The following ZNF423 variants were observed in gnomAD, a reference collection of about 807,000 sequenced individuals.
ZNF423 encodes zinc finger protein 423, also known as Ebf-associated zinc finger protein.
Under a neutral mutation model 95.8 loss-of-function variants are expected in ZNF423, and 12 were observed. The observed-to-expected ratio is 0.13, with a 90% confidence interval of 0.08 to 0.20. The LOEUF is 0.20. Among genes scored for constraint, ZNF423 ranks in the 10% least tolerant of loss-of-function variants. ZNF423 has a pLI of 1.00. For missense variants in ZNF423, 1,316 were observed against 1,737.1 expected (o/e 0.76, Z 4.31); for synonymous variants, 749 against 711.9 (o/e 1.05, Z -0.83).
chr16:49,731,763 T>G (rs1013480910), intron 2 of ZNF423, among the ~76,000 whole-genome samples: 1 of 152,098 alleles, frequency 6.6e-6, no homozygotes, highest in African/African-American at 2.4e-5. Flanking sequence ...GGAACTATGA[T>G]CGTGCCACTG....
chr16:49,638,834 A>T lies in ZNF423; in HGVS notation c.342T>A (p.Ser114=). 2 of 1,612,888 alleles carry T rather than the reference A, an allele frequency of 1.2e-6. No homozygotes were observed. The highest frequency in any genetic ancestry group is 1.3e-5 in the African/African-American group (1 of 75,030). Residue 114 remains serine, a synonymous_variant, in exon 4 of 8, where the codon TCT becomes TCA. Transcript: ENST00000563137. The surrounding 1 kb of genome is among the most constrained non-coding windows in gnomAD (Gnocchi z 5.6). ...GTGACGCAACATCCTTGCTGGAGGG[A>T]GACGAGGCCACCCAGGAGAGTTGTG... ...DDPQLSWVAS[S]PSSKDVASPT...
chr16:49,781,020 G>T (rs575225458), intron 2 of ZNF423, among the ~76,000 whole-genome samples: 1 of 152,356 alleles, frequency 6.6e-6, no homozygotes, highest in Non-Finnish European at 1.5e-5. Flanking sequence ...GCCACAGCCA[G>T]GCAGCTCCAG....
chr16:49,847,090 C>G (rs2035253791), intron 1 of ZNF423: 1 of 152,166 alleles, frequency 6.6e-6, no homozygotes, highest in Admixed American at 6.5e-5. Context: ...TAGGGAATGA[C>G]AACACTGCAA....
At chr16:49,809,540 C>T (rs573963817) in intron 1 of ZNF423, among the ~76,000 whole-genome samples, 3 of 152,316 alleles carry the variant, frequency 2.0e-5, no homozygotes, top group African/African-American at 7.2e-5. Context: ...GTCCTGGAAC[C>T]CCCAAGAAGG....
intron 1 of ZNF423, among the ~76,000 whole-genome samples, chr16:49,849,900 G>C (rs982915697): frequency 1.3e-5 from 2 of 152,170 alleles, no homozygotes; most frequent in African/African-American, 4.8e-5. Flanking sequence ...CTGGGAGGCC[G>C]TCCCGCTGTC....
intron 1 of ZNF423, among the ~76,000 whole-genome samples, chr16:49,839,151 C>T (rs939688860): frequency 6.8e-6 from 1 of 147,098 alleles, no homozygotes; most frequent in African/African-American, 2.5e-5. Context: ...CGCGGTTTCT[C>T]CGTCCCCTCC....
At chr16:49,640,605 C>T (rs890600286) in intron 3 of ZNF423, 12 of 151,108 alleles carry the variant, frequency 7.9e-5, no homozygotes. Flanking sequence ...CTGGCCCCCG[C>T]AGCGCTGATT....
chr16:49,650,619 G>C (rs1487103622), intron 3 of ZNF423, among the ~76,000 whole-genome samples: 1 of 151,776 alleles, frequency 6.6e-6, no homozygotes, highest in Non-Finnish European at 1.5e-5. Context: ...ACGAGTAAGT[G>C]GGGGGCCACA....
chr16:49,616,830 G>A (rs1971891334), intron 5 of ZNF423, among the ~76,000 whole-genome samples: 2 of 152,132 alleles, frequency 1.3e-5, no homozygotes, highest in South Asian at 2.1e-4. Flanking sequence ...TATAGGCTTA[G>A]CATGGCCGGT....
chr16:49,616,099 T>C (rs976495815), intron 5 of ZNF423, among the ~76,000 whole-genome samples: 3 of 152,012 alleles, frequency 2.0e-5, no homozygotes, highest in Admixed American at 2.0e-4. Flanking sequence ...TGGGACAAAA[T>C]GGCAAAGACT....
intron 7 of ZNF423, among the ~76,000 whole-genome samples, chr16:49,517,392 C>T (rs562363560): frequency 1.2e-4 from 19 of 152,288 alleles, no homozygotes; most frequent in African/African-American, 2.9e-4. Context: ...TTAAAATGCT[C>T]GAAGACAACT....
chr16:49,626,492 T>C (rs534202132), intron 4 of ZNF423, among the ~76,000 whole-genome samples: 1 of 152,038 alleles, frequency 6.6e-6, no homozygotes, highest in African/African-American at 2.4e-5. Context: ...AAAACTGCCA[T>C]CTCAAGGTGA....
chr16:49,670,430 T>C (rs1230449973), intron 3 of ZNF423, among the ~76,000 whole-genome samples: 1 of 152,238 alleles, frequency 6.6e-6, no homozygotes, highest in Non-Finnish European at 1.5e-5. Context: ...GACCCCCTCA[T>C]GGCTGTGGCC....
chr16:49,726,616 A>C (rs1401364127), intron 3 of ZNF423, among the ~76,000 whole-genome samples: 1 of 152,134 alleles, frequency 6.6e-6, no homozygotes, highest in Non-Finnish European at 1.5e-5. Context: ...ATCCTTGGCA[A>C]TTCAGACAGC....
Position 49,638,806 on chromosome 16 carries a change from T to C in ZNF423, c.370A>G (p.Thr124Ala). 1.2e-6 allele frequency: 2 copies of C among 1,614,054 alleles called. No homozygotes were observed. The highest frequency in any genetic ancestry group is 1.7e-6 in the Non-Finnish European group (2 of 1,179,952). ...TCACAACCATCTCCGATCATCTGCGTGGGTGACGCAACATCCTTGCTGGAG... is the reference window on the plus strand; with the variant it reads ...TCACAACCATCTCCGATCATCTGCGCGGGTGACGCAACATCCTTGCTGGAG... Reference protein sequence around the residue: ...SPSSKDVASPTQMIGDGCDLG... With the variant: ...SPSSKDVASPAQMIGDGCDLG... Residue 124 changes from threonine to alanine, a missense_variant, in exon 4 of 8, where the codon ACG becomes GCG. Thr to Ala is a moderately conservative substitution (Grantham distance 58). Around this residue, in one of 6 missense-constraint regions of ZNF423, gnomAD observed 155 missense variants for 170.8 expected, o/e 0.91. Coordinates refer to ENST00000563137, the MANE Select transcript of ZNF423 (RefSeq NM_001379286.1). The surrounding 1 kb of genome is among the most constrained non-coding windows in gnomAD (Gnocchi z 5.6).
At chr16:49,713,278 T>C (rs1295426239) in intron 3 of ZNF423, among the ~76,000 whole-genome samples, 2 of 152,230 alleles carry the variant, frequency 1.3e-5, no homozygotes, top group Non-Finnish European at 2.9e-5. Context: ...CTGGGGCTGA[T>C]CTCCAAAATC....
chr16:49,771,179 CTTTT>C (rs1240856239), intron 2 of ZNF423, among the ~76,000 whole-genome samples: 1 of 121,256 alleles, frequency 8.2e-6, no homozygotes, highest in African/African-American at 3.0e-5. Context: ...TCTTGAATTT[CTTTT>C]TTTTTTTTCT....
At chr16:49,578,413 C>A (rs1567479765) in intron 5 of ZNF423, among the ~76,000 whole-genome samples, 1 of 152,120 alleles carries the variant, frequency 6.6e-6, no homozygotes. Context: ...GAAGAGAAAC[C>A]GAGGGCTTTG....
intron 5 of ZNF423, among the ~76,000 whole-genome samples, chr16:49,586,457 A>G (rs1297574176): frequency 6.6e-6 from 1 of 152,146 alleles, no homozygotes; most frequent in African/African-American, 2.4e-5. Flanking sequence ...TATCAGCTCC[A>G]TTTTTTGCTA....
Sources: allele counts gnomAD v4.1 joint callset (sites outside exome capture counted in the v4.1 genomes callset), GRCh38; gene constraint gnomAD v4.1.1; regional missense constraint gnomAD v4.1.1; non-coding constraint Gnocchi (gnomAD v3.1); transcripts MANE v1.5; gene names NCBI Gene and HGNC (gene_info 2026-07-23, HGNC 2026-07-21).